MGMT: variants seen among roughly 807,000 people sequenced by gnomAD.
MGMT encodes O-6-methylguanine-DNA methyltransferase, also known as methylated-DNA--protein-cysteine methyltransferase.
MGMT carries 14 observed loss-of-function variants against 15.9 expected under a neutral mutation model. The ratio of observed to expected loss-of-function variants is 0.88; its 90% CI spans 0.58 to 1.37. The LOEUF is 1.37. MGMT is among the 40% of genes most tolerant of loss of function. The pLI, the probability that MGMT is intolerant of heterozygous loss-of-function variation, is 0.00. For synonymous variants in MGMT, 130 were observed against 118.2 expected, an observed-to-expected ratio of 1.10 and a Z score of -0.65; for missense variants, 282 against 268.1, an observed-to-expected ratio of 1.05 and a Z score of -0.36.
intron 1 of MGMT, among the ~76,000 whole-genome samples, chr10:129,474,251 A>C (rs1384932780): frequency 6.6e-6 from 1 of 152,172 alleles, no homozygotes; most frequent in African/African-American, 2.4e-5. Context: ...CTAGCCTGTC[A>C]GTGCTTCCCA....
chr10:129,640,511 C>T (rs998630551), intron 2 of MGMT, among the ~76,000 whole-genome samples: 10 of 152,100 alleles, frequency 6.6e-5, no homozygotes, highest in South Asian at 2.1e-4. Context: ...AAATTTCAGA[C>T]GTAGTTGTCT....
chr10:129,646,754 A>ATTTTTT (rs1554873525), intron 2 of MGMT, among the ~76,000 whole-genome samples: 4 of 86,678 alleles, frequency 4.6e-5, no homozygotes, highest in African/African-American at 1.2e-4. Context: ...ATATATATAT[A>ATTTTTT]TTTTCAGGGA....
At chr10:129,761,865 G>A (rs1417316857) in intron 4 of MGMT, among the ~76,000 whole-genome samples, 1 of 152,190 alleles carries the variant, frequency 6.6e-6, no homozygotes, top group Non-Finnish European at 1.5e-5. Flanking sequence ...CCTGAGGAGG[G>A]GGCTGCAGCA....
At chr10:129,662,915 C>T (rs547556169) in intron 2 of MGMT, among the ~76,000 whole-genome samples, 1 of 152,242 alleles carries the variant, frequency 6.6e-6, no homozygotes, top group South Asian at 2.1e-4. Flanking sequence ...TAAAGCAGAA[C>T]CTACAGCATA....
chr10:129,575,630 G>A (rs1407989850), intron 2 of MGMT, among the ~76,000 whole-genome samples: 24 of 147,688 alleles, frequency 1.6e-4, no homozygotes, highest in Admixed American at 9.5e-4. Context: ...AAGAACTAGA[G>A]AAGCAAGAGC....
At chr10:129,754,608 G>C (rs1848784691) in intron 3 of MGMT, among the ~76,000 whole-genome samples, 1 of 152,204 alleles carries the variant, frequency 6.6e-6, no homozygotes, top group African/African-American at 2.4e-5. Context: ...CTGCCATCTA[G>C]GTAATTGATA....
intron 1 of MGMT, among the ~76,000 whole-genome samples, chr10:129,503,110 T>C (rs1484395952): frequency 6.6e-6 from 1 of 151,646 alleles, no homozygotes; most frequent in Non-Finnish European, 1.5e-5. Flanking sequence ...TGCTTGGATT[T>C]TTTTTTTTAT....
intron 2 of MGMT, among the ~76,000 whole-genome samples, chr10:129,559,151 C>G (rs983766308): frequency 6.6e-6 from 1 of 152,156 alleles, no homozygotes; most frequent in Admixed American, 6.6e-5. Context: ...ATCTTTAACT[C>G]TCCTTAGGTG....
chr10:129,679,368 CT>C (rs138813671), intron 2 of MGMT, among the ~76,000 whole-genome samples: 10,887 of 151,902 alleles, frequency 0.072, 550 homozygotes, highest in African/African-American at 0.13. Context: ...ACCCTGCGGG[CT>C]TCCACAACTG....
intron 3 of MGMT, among the ~76,000 whole-genome samples, chr10:129,740,849 T>C (rs1012862210): frequency 6.6e-6 from 1 of 152,188 alleles, no homozygotes; most frequent in African/African-American, 2.4e-5. Flanking sequence ...GAACCGAGCC[T>C]GGTACCTAGT....
At position 129,472,472 on chromosome 10, in the gene MGMT, G is replaced by A. The variant is rs183708700; in HGVS notation, c.-13+5176G>A. Among the ~76,000 whole-genome samples, 96 of 152,186 alleles carry A rather than the reference G, an allele frequency of 6.3e-4. 1 individual carries two copies. The highest frequency in any genetic ancestry group is 1.2e-3 in the Non-Finnish European group (81 of 68,010). The stretch of plus-strand genomic sequence containing the variant: ...CGGCGAAGAACCATTTCGAGCCCTC[G>A]TTTTCCCCCCAGTCCAATCCGAATC... On this transcript the variant is annotated intron_variant, in intron 1 of 4. Transcript: ENST00000651593.
intron 2 of MGMT, among the ~76,000 whole-genome samples, chr10:129,691,024 A>G (rs2133127718): frequency 6.6e-6 from 1 of 152,346 alleles, no homozygotes; most frequent in Middle Eastern, 3.4e-3. Context: ...GTTGTTCAGA[A>G]GTGGCAACAA....
intron 3 of MGMT, among the ~76,000 whole-genome samples, chr10:129,719,762 G>A (rs758075369): frequency 2.2e-4 from 33 of 152,250 alleles, no homozygotes; most frequent in African/African-American, 6.3e-4. Flanking sequence ...TGCAACATAC[G>A]AATTTTGGCA....
chr10:129,588,030 T>C (rs1846637651), intron 2 of MGMT, among the ~76,000 whole-genome samples: 1 of 152,224 alleles, frequency 6.6e-6, no homozygotes, highest in Non-Finnish European at 1.5e-5. Flanking sequence ...TGGATCATGC[T>C]TTGAAGATTC....
intron 3 of MGMT, among the ~76,000 whole-genome samples, chr10:129,746,307 GT>G (rs939909697): frequency 6.7e-6 from 1 of 148,190 alleles, no homozygotes; most frequent in Admixed American, 6.7e-5. Flanking sequence ...TCACAAACAA[GT>G]TTTTTTTCCC....
intron 2 of MGMT, among the ~76,000 whole-genome samples, chr10:129,647,277 G>A (rs911051872): frequency 2.2e-4 from 5 of 22,716 alleles, no homozygotes; most frequent in Non-Finnish European, 4.0e-4. Flanking sequence ...GCTGTGTTCA[G>A]CAGTAATCAG....
rs986035644 is a variant in MGMT at position 129,770,772 on chromosome 10, G to A, written c.*3775G>A. Reference sequence around the variant, plus strand: ...CCAATCCCGAAACGGCCCTTGCTTCGGCCACAGCTGCTGGGATGTCCTCGG... The same window carrying A: ...CCAATCCCGAAACGGCCCTTGCTTCAGCCACAGCTGCTGGGATGTCCTCGG... On this transcript the variant is annotated 3_prime_UTR_variant, in exon 5 of 5. Transcript: ENST00000651593. Among the ~76,000 whole-genome samples, 1 of 152,142 alleles carries A rather than the reference G, an allele frequency of 6.6e-6. No homozygotes were observed. Among genetic ancestry groups the A allele is most frequent in the Non-Finnish European group, 1.5e-5 (1 of 68,032 alleles).
rs1237846730 is a variant in MGMT at position 129,768,442 on chromosome 10, C to T, written c.*1445C>T. On this transcript the variant is annotated 3_prime_UTR_variant, in exon 5 of 5. Coordinates refer to ENST00000651593, the MANE Select transcript of MGMT (RefSeq NM_002412.5). ...AGGCCCTGGGCCTCCTTGCTCCTGG[C>T]AGGCCTCAGGTGCCGCACGCCGCGT... Among the ~76,000 whole-genome samples, 1 of 152,252 alleles carries T rather than the reference C, an allele frequency of 6.6e-6. No homozygotes were observed. The highest frequency in any genetic ancestry group is 2.4e-5 in the African/African-American group (1 of 41,470).
chr10:129,472,481 C>G (rs1452607837), intron 1 of MGMT, among the ~76,000 whole-genome samples: 1 of 152,136 alleles, frequency 6.6e-6, no homozygotes, highest in African/African-American at 2.4e-5. Context: ...CGTTTTCCCC[C>G]CAGTCCAATC....
Sources: gnomAD v4.1 joint callset for allele counts (sites outside exome capture counted in the v4.1 genomes callset) on GRCh38, gnomAD v4.1.1 for gene constraint, MANE v1.5 for transcripts, NCBI Gene and HGNC (gene_info 2026-07-23, HGNC 2026-07-21) for gene names.